Variants in SORCS3 observed in about 807,000 individuals in gnomAD.
SORCS3 encodes the protein sortilin related VPS10 domain containing receptor 3.
In SORCS3, 57 loss-of-function variants were observed where a neutral mutation model predicts 146.3. The observed-to-expected ratio is 0.39, with a 90% CI of 0.31 to 0.49. SORCS3 has a LOEUF of 0.49. Ranked by LOEUF, SORCS3 falls within the 20% of genes least tolerant of loss-of-function variation. SORCS3 has a pLI of 0.92. For synonymous variants in SORCS3, 653 were observed against 618.5 expected (o/e 1.06, Z -0.83); for missense variants, 1,341 against 1,575.5 (o/e 0.85, Z 2.52).
chr10:105,040,123 T>C (rs969305399), intron 4 of SORCS3, among the ~76,000 whole-genome samples: 5 of 152,170 alleles, frequency 3.3e-5, no homozygotes, highest in Admixed American at 2.6e-4. Context: ...GTACCTGTCA[T>C]AGGAAGGAGA....
chr10:105,255,563 G>A (rs1280155951), intron 23 of SORCS3, 139 bp from the exon 24 acceptor site: 11 of 617,110 alleles, frequency 1.8e-5, no homozygotes, highest in South Asian at 4.2e-5. Flanking sequence ...GAACCAAATC[G>A]ATAAATATTT....
At chr10:105,060,060 T>A (rs1367333591) in intron 5 of SORCS3, among the ~76,000 whole-genome samples, 1 of 152,136 alleles carries the variant, frequency 6.6e-6, no homozygotes, top group Non-Finnish European at 1.5e-5. Context: ...CAAAGGATTG[T>A]TAGGTACCAG....
intron 2 of SORCS3, among the ~76,000 whole-genome samples, chr10:104,848,955 A>G (rs2018238604): frequency 6.6e-6 from 1 of 152,270 alleles, no homozygotes; most frequent in Non-Finnish European, 1.5e-5. Flanking sequence ...GCTGTGCTCT[A>G]GAAATACTTG....
At chr10:104,718,475 A>G (rs1485449178) in intron 1 of SORCS3, among the ~76,000 whole-genome samples, 4 of 152,194 alleles carry the variant, frequency 2.6e-5, no homozygotes, top group Non-Finnish European at 5.9e-5. Flanking sequence ...ATTGGGGGTT[A>G]AGTTTCCAAC....
chr10:104,751,941 ATATATATATATATATATATATATATAT>A (rs2016990706), intron 1 of SORCS3, among the ~76,000 whole-genome samples: 1 of 105,798 alleles, frequency 9.5e-6, no homozygotes, highest in African/African-American at 4.5e-5. Context: ...ATATATATAT[ATATATATATATATATATATATATATAT>A]AATAGTTTAG....
At chr10:105,059,197 C>G (rs540116225) in intron 5 of SORCS3, among the ~76,000 whole-genome samples, 13 of 152,084 alleles carry the variant, frequency 8.5e-5, no homozygotes, top group Middle Eastern at 3.4e-3. Context: ...AACTGGTTCC[C>G]CCTTATCAAA....
In SORCS3 at chr10:104,835,903, C is replaced by G. The variant is rs2451482; in HGVS notation, c.628-6889C>G. On this transcript the variant is annotated intron_variant, in intron 1 of 26. Coordinates refer to ENST00000369701, the MANE Select transcript of SORCS3 (RefSeq NM_014978.3). The stretch of plus-strand genomic sequence containing the variant: ...CCCTTATTTGATTTGAATCAGCAAC[C>G]CTGTGAGCGTGGCAGGGAAAGTGTA... Among the ~76,000 whole-genome samples, 328 of 152,262 alleles carry G rather than the reference C, an allele frequency of 2.2e-3. 2 individuals carry two copies. Among genetic ancestry groups the G allele is most frequent in the African/African-American group, 7.7e-3 (318 of 41,542 alleles).
At chr10:104,687,348 C>G (rs1380819369) in intron 1 of SORCS3, among the ~76,000 whole-genome samples, 1 of 152,162 alleles carries the variant, frequency 6.6e-6, no homozygotes, top group Non-Finnish European at 1.5e-5. Flanking sequence ...GCAGCTGCCT[C>G]CATGTAGAAG....
intron 7 of SORCS3, among the ~76,000 whole-genome samples, chr10:105,139,139 C>T (rs2056077629): frequency 6.6e-6 from 1 of 152,212 alleles, no homozygotes; most frequent in Non-Finnish European, 1.5e-5. Context: ...AGCACAGTGA[C>T]CAAATAGAGT....
chr10:105,212,430 C>A (rs2119643453), intron 17 of SORCS3, among the ~76,000 whole-genome samples: 1 of 152,260 alleles, frequency 6.6e-6, no homozygotes, highest in African/African-American at 2.4e-5. Flanking sequence ...ATTATGCGCA[C>A]AAGTTATTAG....
intron 4 of SORCS3, among the ~76,000 whole-genome samples, chr10:105,016,020 A>C (rs891615292): frequency 6.7e-6 from 1 of 148,198 alleles, no homozygotes; most frequent in African/African-American, 2.5e-5. Context: ...GAGCCACTGC[A>C]CCCAGCTGTA....
intron 1 of SORCS3, among the ~76,000 whole-genome samples, chr10:104,818,751 C>T (rs1269944737): frequency 6.6e-6 from 1 of 152,090 alleles, no homozygotes; most frequent in Non-Finnish European, 1.5e-5. Flanking sequence ...TATTATCAAC[C>T]TACCTGAAGA....
intron 3 of SORCS3, among the ~76,000 whole-genome samples, chr10:104,933,865 G>C (rs1039423310): frequency 6.6e-6 from 1 of 152,036 alleles, no homozygotes. Flanking sequence ...TGCAATCTTG[G>C]CTCACTGCAA....
chr10:104,667,405 C>A (rs2015794978), intron 1 of SORCS3, among the ~76,000 whole-genome samples: 1 of 152,146 alleles, frequency 6.6e-6, no homozygotes, highest in African/African-American at 2.4e-5. Context: ...CTACTGATCT[C>A]TGATCTTCTC....
chr10:105,092,748 C>T (rs183913201), intron 6 of SORCS3, among the ~76,000 whole-genome samples: 21 of 151,664 alleles, frequency 1.4e-4, no homozygotes, highest in Non-Finnish European at 2.7e-4. Context: ...AGCTAATTGG[C>T]GATAGGAAAA....
intron 5 of SORCS3, among the ~76,000 whole-genome samples, chr10:105,045,037 AAAAAG>A (rs1208808203): frequency 5.4e-5 from 7 of 128,760 alleles, no homozygotes; most frequent in African/African-American, 2.0e-4. Flanking sequence ...AAAAAAAAAA[AAAAAG>A]AAAGAAAGAA....
intron 5 of SORCS3, among the ~76,000 whole-genome samples, chr10:105,048,087 G>A (rs2133708307): frequency 6.6e-6 from 1 of 151,946 alleles, no homozygotes; most frequent in Admixed American, 6.6e-5. Flanking sequence ...CTGTTGGTGG[G>A]ACTGTAAACT....
Position 105,252,796 on chromosome 10 carries a change from C to G in SORCS3, c.3127C>G (p.Gln1043Glu), listed in dbSNP as rs777477648. 1 of 1,614,040 alleles carries G rather than the reference C, an allele frequency of 6.2e-7. No homozygotes were observed. Among genetic ancestry groups the G allele is most frequent in the Non-Finnish European group, 8.5e-7 (1 of 1,179,962 alleles). The change falls in exon 23 of 27, where the codon CAG becomes GAG. Residue 1043 changes from glutamine to glutamate, a missense_variant. Transcript: ENST00000369701. ...LVKVTSVPEDQILIAVFPGLP... is the reference protein window; with the variant it reads ...LVKVTSVPEDEILIAVFPGLP... ...GCAGGTAACCAGTGTCCCAGAGGAC[C>G]AGATCCTCATTGCCGTGTTTCCTGG... is the stretch of plus-strand genomic sequence containing the variant.
chr10:105,154,241 C>T (rs923173878), intron 9 of SORCS3, among the ~76,000 whole-genome samples: 1 of 152,138 alleles, frequency 6.6e-6, no homozygotes, highest in African/African-American at 2.4e-5. Flanking sequence ...TGCTTAGAGA[C>T]TCCACAGGGT....
Sources: gnomAD v4.1 joint callset for allele counts (sites outside exome capture counted in the v4.1 genomes callset) on GRCh38, gnomAD v4.1.1 for gene constraint, MANE v1.5 for transcripts, NCBI Gene and HGNC (gene_info 2026-07-23, HGNC 2026-07-21) for gene names.